Variants in PDE1B observed in about 807,000 individuals in gnomAD.
PDE1B encodes phosphodiesterase 1B.
PDE1B carries 13 observed loss-of-function variants against 66.7 expected under a neutral mutation model. The observed-to-expected ratio is 0.19, with a 90% CI of 0.13 to 0.31. The LOEUF is 0.31. Ranked by LOEUF, PDE1B falls within the 10% of genes least tolerant of loss-of-function variation. The pLI, the probability that PDE1B is intolerant of heterozygous loss-of-function variation, is 1.00. For missense variants in PDE1B, 485 were observed against 682.3 expected, an observed-to-expected ratio of 0.71 and a Z score of 3.22; for synonymous variants, 230 against 253.9, an observed-to-expected ratio of 0.91 and a Z score of 0.90.
rs1318459816 is a variant in PDE1B, at chr12:54,575,712, C to T, written c.1267+80C>T. The T allele has an allele frequency of 2.0e-6, 2 of 1,018,228 alleles. No homozygotes were observed. Among genetic ancestry groups the T allele is most frequent in the Non-Finnish European group, 1.5e-6 (1 of 648,078 alleles). The allele number at this position is 1,018,228 out of a possible 1,614,324, so 63.1% of individuals were successfully genotyped here. ...CTGGGTCAGGATTGCTCCAAGTCCT[C>T]AATCCCCCCAAACCATTCTTCCTGT... On this transcript the variant is annotated intron_variant, in intron 12 of 15. Coordinates refer to ENST00000243052, the MANE Select transcript of PDE1B (RefSeq NM_000924.4). This position sits in a 1 kb window ranked among gnomAD's most constrained non-coding sequence, Gnocchi z 4.0.
chr12:54,554,299 G>A (rs1397996386), intron 2 of PDE1B: 1 of 152,222 alleles, frequency 6.6e-6, no homozygotes, highest in Non-Finnish European at 1.5e-5. Context: ...TGGATGTGGA[G>A]CTGCTGTGAA....
At chr12:54,565,699 T>C (rs1957501408) in intron 2 of PDE1B, among the ~76,000 whole-genome samples, 1 of 152,202 alleles carries the variant, frequency 6.6e-6, no homozygotes, top group Non-Finnish European at 1.5e-5. Context: ...CTCTCAGACG[T>C]GTCATCCAGG....
chr12:54,562,183 G>T (rs1957429569), intron 2 of PDE1B, among the ~76,000 whole-genome samples: 1 of 152,148 alleles, frequency 6.6e-6, no homozygotes, highest in Non-Finnish European at 1.5e-5. Flanking sequence ...TGGAAGCGGA[G>T]GCAGGGGACT....
intron 1 of PDE1B, 30 bp from the exon 2 acceptor site, chr12:54,549,830 G>A: frequency 2.0e-6 from 3 of 1,478,764 alleles, no homozygotes; most frequent in Non-Finnish European, 2.8e-6. Flanking sequence ...AAGCTGAGCC[G>A]AGGTGCTGTC....
At chr12:54,550,131 C>T (rs2121010549) in intron 2 of PDE1B, 146 bp downstream of exon 2, 2 of 1,446,140 alleles carry the variant, frequency 1.4e-6, no homozygotes, top group Non-Finnish European at 9.1e-7. Context: ...GGCCCTGACA[C>T]GCGTGGCCAG....
intron 2 of PDE1B, among the ~76,000 whole-genome samples, chr12:54,550,871 GA>G (rs760020330): frequency 2.6e-5 from 4 of 151,870 alleles, no homozygotes; most frequent in Admixed American, 2.0e-4. Flanking sequence ...CTGCTCCTTA[GA>G]AAAAAAAGAG....
chr12:54,575,027 G>T lies in PDE1B; in HGVS notation c.1065-71G>T. The T allele has an allele frequency of 1.3e-5, 16 of 1,265,014 alleles. No homozygotes were observed. The highest frequency in any genetic ancestry group is 1.7e-5 in the Non-Finnish European group (15 of 885,058). The allele number at this position is 1,265,014 out of a possible 1,614,324, so 78.4% of individuals were successfully genotyped here. ...TTATGTGATAGGGTGTGCGTGGGAA[G>T]TTAGGGAATGGTCCTAACTTCCTTT... On this transcript the variant is annotated intron_variant, in intron 10 of 15. Coordinates refer to ENST00000243052, the MANE Select transcript of PDE1B (RefSeq NM_000924.4). This position sits in a 1 kb window ranked among gnomAD's most constrained non-coding sequence, Gnocchi z 4.0.
chr12:54,577,854 C>T lies in PDE1B; in HGVS notation c.*18-6C>T, dbSNP rs961745191. On this transcript the variant is annotated splice_polypyrimidine_tract_variant and splice_region_variant and intron_variant, in intron 15 of 15. Transcript: ENST00000243052. The stretch of plus-strand genomic sequence containing the variant: ...AGGGCACTGAAGTTTCTCCCTCTTT[C>T]CCCAGGTCTTCATTGAGTCCAAAGT... 7 of 288,946 alleles carry T rather than the reference C, an allele frequency of 2.4e-5. No homozygotes were observed. The highest frequency in any genetic ancestry group is 1.3e-4 in the South Asian group (1 of 7,782). 17.9% of individuals were successfully genotyped at this position (288,946 alleles called of 1,614,324 possible). A position where few individuals can be genotyped will look rare whatever the true frequency, so the allele number is the denominator to read the frequency against.
intron 2 of PDE1B, among the ~76,000 whole-genome samples, chr12:54,556,798 T>C (rs1439222926): frequency 1.3e-5 from 2 of 148,338 alleles, no homozygotes; most frequent in Non-Finnish European, 3.0e-5. Context: ...TTATGGTGGC[T>C]ACAGTGGGGT....
chr12:54,574,185 T>G (rs1413128219), intron 10 of PDE1B: 2 of 183,510 alleles, frequency 1.1e-5, no homozygotes, highest in East Asian at 2.7e-4. Context: ...ATGCCATAAT[T>G]ACATCTAATG....
Position 54,573,757 on chromosome 12 carries a change from T to C in PDE1B, c.1064+48T>C, listed in dbSNP as rs766722734. 3.6e-6 allele frequency: 5 copies of C among 1,373,556 alleles called. No individual in the cohort carries two copies. Among genetic ancestry groups the C allele is most frequent in the Non-Finnish European group, 5.2e-6 (5 of 962,722 alleles). 85.1% of individuals were successfully genotyped at this position (1,373,556 alleles called of 1,614,324 possible). On this transcript the variant is annotated intron_variant, in intron 10 of 15. Coordinates refer to ENST00000243052, the MANE Select transcript of PDE1B (RefSeq NM_000924.4). The surrounding 1 kb of genome is among the most constrained non-coding windows in gnomAD (Gnocchi z 5.2). ...TGGGGCCAGGCCAGAGGGAGGGGTG[T>C]GTGAACTGGGGGGGTATACACAAGG...
Position 54,575,390 on chromosome 12 carries a change from T to A in PDE1B, c.1186-161T>A, listed in dbSNP as rs1162114448. ...TCCTAAAAGCCTAACAATAGTTGCATTTCATTTGCATATATTTCATTTGCA... is the reference window on the plus strand; with the variant it reads ...TCCTAAAAGCCTAACAATAGTTGCAATTCATTTGCATATATTTCATTTGCA... On this transcript the variant is annotated intron_variant, in intron 11 of 15. Coordinates refer to ENST00000243052, the MANE Select transcript of PDE1B (RefSeq NM_000924.4). This position sits in a 1 kb window ranked among gnomAD's most constrained non-coding sequence, Gnocchi z 4.0. The A allele has an allele frequency of 1.3e-6, 1 of 772,282 alleles. No individual in the cohort carries two copies. Among genetic ancestry groups the A allele is most frequent in the Non-Finnish European group, 2.3e-6 (1 of 444,162 alleles). The allele number at this position is 772,282 out of a possible 1,614,324, so 47.8% of individuals were successfully genotyped here.
At chr12:54,570,589 CT>C in intron 6 of PDE1B, 1 of 519,320 alleles carries the variant, frequency 1.9e-6, no homozygotes, top group Non-Finnish European at 3.5e-6. Context: ...ACCATCTAGC[CT>C]GGGATTCTGC....
At chr12:54,551,593 C>A (rs769609669) in intron 2 of PDE1B, among the ~76,000 whole-genome samples, 7 of 152,176 alleles carry the variant, frequency 4.6e-5, no homozygotes, top group Non-Finnish European at 5.9e-5. Flanking sequence ...CAGGATGGCT[C>A]CCCTAACACT....
At chr12:54,572,831 C>A in intron 7 of PDE1B, 90 bp downstream of exon 7, 1 of 1,320,216 alleles carries the variant, frequency 7.6e-7, no homozygotes, top group Non-Finnish European at 1.1e-6. Flanking sequence ...TCCATTTCTC[C>A]TCGTTGGTTC....
intron 2 of PDE1B, among the ~76,000 whole-genome samples, chr12:54,565,994 T>C (rs1193447402): frequency 1.3e-5 from 2 of 152,210 alleles, no homozygotes; most frequent in African/African-American, 2.4e-5. Context: ...AGATTGGTTT[T>C]AGGTGGGTGG....
At chr12:54,561,952 T>G (rs1957424285) in intron 2 of PDE1B, among the ~76,000 whole-genome samples, 1 of 152,160 alleles carries the variant, frequency 6.6e-6, no homozygotes, top group African/African-American at 2.4e-5. Flanking sequence ...CCTTAGGACC[T>G]CACATTCCTT....
chr12:54,558,118 T>A (rs1957364185), intron 2 of PDE1B, among the ~76,000 whole-genome samples: 1 of 152,190 alleles, frequency 6.6e-6, no homozygotes, highest in Non-Finnish European at 1.5e-5. Flanking sequence ...AAACGGCTTC[T>A]GGTCAGAAGG....
intron 2 of PDE1B, among the ~76,000 whole-genome samples, chr12:54,557,220 TG>T (rs968690138): frequency 6.6e-6 from 1 of 152,252 alleles, no homozygotes; most frequent in Non-Finnish European, 1.5e-5. Context: ...AAAGACTTCT[TG>T]GTCCCTCCTA....
Sources: allele counts gnomAD v4.1 joint callset (sites outside exome capture counted in the v4.1 genomes callset), GRCh38; gene constraint gnomAD v4.1.1; non-coding constraint Gnocchi (gnomAD v3.1); transcripts MANE v1.5; gene names NCBI Gene and HGNC (gene_info 2026-07-23, HGNC 2026-07-21).